The following FHOD1 variants were observed in gnomAD, a reference collection of about 807,000 sequenced individuals.
The protein encoded by FHOD1 is FH1/FH2 domain-containing protein 1.
A neutral mutation model predicts 111.6 loss-of-function variants in FHOD1; 89 were observed. That is an observed-to-expected ratio of 0.80 (90% CI 0.67 to 0.95). The LOEUF is 0.95. Among genes scored for constraint, FHOD1 ranks in the 40% least tolerant of loss-of-function variants. FHOD1 has a pLI of 0.00. For synonymous variants in FHOD1, 618 were observed against 639.0 expected (o/e 0.97, Z 0.50); for missense variants, 1,446 against 1,554.2 (o/e 0.93, Z 1.17).
Position 67,237,057 on chromosome 16 carries a change from G to T in FHOD1, c.1051C>A (p.Arg351=). The T allele has an allele frequency of 6.2e-7, 1 of 1,613,086 alleles. No individual in the cohort carries two copies. The highest frequency in any genetic ancestry group is 2.2e-5 in the East Asian group (1 of 44,884). Residue 351 remains arginine, a synonymous_variant, in exon 10 of 22, where the codon CGG becomes AGG. Transcript: ENST00000258201. The surrounding 1 kb of genome is among the most constrained non-coding windows in gnomAD (Gnocchi z 5.6). ...IEEAPGAGGR[R]ERRKPSSEEG... Reference sequence around the variant, plus strand: ...TCAGAAGAAGGCTTTCGTCGTTCCCGCCGCCCACCAGCGCCTGGGGCTTCT... The same window carrying T: ...TCAGAAGAAGGCTTTCGTCGTTCCCTCCGCCCACCAGCGCCTGGGGCTTCT...
chr16:67,237,698 G>T lies in FHOD1; in HGVS notation c.713C>A (p.Pro238Gln). 1 of 1,614,164 alleles carries T rather than the reference G, an allele frequency of 6.2e-7. No individual in the cohort carries two copies. Among genetic ancestry groups the T allele is most frequent in the South Asian group, 1.1e-5 (1 of 91,082 alleles). Residue 238 changes from proline to glutamine, a missense_variant, in exon 7 of 22, where the codon CCG (proline) becomes CAG (glutamine). Transcript: ENST00000258201. This position sits in a 1 kb window ranked among gnomAD's most constrained non-coding sequence, Gnocchi z 5.6. ...AGAGTTCACTGCACGGATGAACAGC[G>T]GTGCGTTGTTTTCGGAGTATTCTAC... is the stretch of plus-strand genomic sequence containing the variant. ...VFVEYSENNA[P>Q]LFIRAVNSVA...
At chr16:67,243,717 G>C (rs985236757) in intron 1 of FHOD1, among the ~76,000 whole-genome samples, 2 of 152,162 alleles carry the variant, frequency 1.3e-5, no homozygotes, top group Admixed American at 6.5e-5. Context: ...GGATTGCCAA[G>C]AGCTGAAGAC....
rs752072735 is a variant in FHOD1 at position 67,236,624 on chromosome 16, C to T, written c.1252G>A (p.Val418Met). 6 of 1,613,536 alleles carry T rather than the reference C, an allele frequency of 3.7e-6. No individual in the cohort carries two copies. Among genetic ancestry groups the T allele is most frequent in the Non-Finnish European group, 2.5e-6 (3 of 1,179,872 alleles). ...ACAGAGATGGTAGGAAAAAGGTTCA[C>T]TGAAGCTTGGAGACCGGAGGGAGGG... ...VGPPSGLQASVNLFPTISVAP... is the reference protein window; with the variant it reads ...VGPPSGLQASMNLFPTISVAP... Residue 418 changes from valine to methionine, a missense_variant, in exon 11 of 22, where the codon GTG becomes ATG. Around this residue, in one of 3 missense-constraint regions of FHOD1, gnomAD observed 1,085 missense variants for 1,108.8 expected, o/e 0.98. Transcript: ENST00000258201.
intron 11 of FHOD1, chr16:67,235,952 T>C: frequency 7.2e-5 from 57 of 795,616 alleles, no homozygotes; most frequent in Non-Finnish European, 8.7e-5. Flanking sequence ...AAACCCCTGC[T>C]GGGGGAAGCA....
intron 1 of FHOD1, among the ~76,000 whole-genome samples, chr16:67,246,170 G>A (rs1489919722): frequency 2.0e-5 from 3 of 152,224 alleles, no homozygotes; most frequent in African/African-American, 7.2e-5. Flanking sequence ...ATGCGGGCTG[G>A]GGGCCCGGGG....
intron 1 of FHOD1, among the ~76,000 whole-genome samples, chr16:67,241,469 A>G (rs2034665865): frequency 6.6e-6 from 1 of 152,160 alleles, no homozygotes; most frequent in Admixed American, 6.5e-5. Flanking sequence ...CTGGGACCCT[A>G]GAAGAACACA....
In FHOD1 at chr16:67,230,146, C is replaced by A. The variant is rs1374616921; in HGVS notation, c.3134G>T (p.Gly1045Val). ...PVAVSSGPGR[G>V]DADSHASMKS... ...CATACTAGCATGACTGTCAGCATCTCCCCGGCCTGGCCCGCTGCTCACTGC... is the reference window on the plus strand; with the variant it reads ...CATACTAGCATGACTGTCAGCATCTACCCGGCCTGGCCCGCTGCTCACTGC... The change falls in exon 20 of 22, where the codon GGA becomes GTA. Residue 1045 changes from glycine to valine, a missense_variant. By Grantham distance (109) the Gly-to-Val change is moderately radical. Around this residue, in one of 3 missense-constraint regions of FHOD1, gnomAD observed 1,085 missense variants for 1,108.8 expected, o/e 0.98. Coordinates refer to ENST00000258201, the MANE Select transcript of FHOD1 (RefSeq NM_013241.3). 1 of 1,614,106 alleles carries A rather than the reference C, an allele frequency of 6.2e-7. No homozygotes were observed. Among genetic ancestry groups the A allele is most frequent in the African/African-American group, 1.3e-5 (1 of 74,944 alleles).
Position 67,230,769 on chromosome 16 carries a change from T to C in FHOD1, c.2690A>G (p.Glu897Gly), listed in dbSNP as rs976040730. Residue 897 changes from glutamate to glycine, a missense_variant, in exon 18 of 22, where the codon GAG (glutamate) becomes GGG (glycine). This residue lies in a region of FHOD1 where 1,085 missense variants were observed against 1,108.8 expected (regional missense o/e 0.98). Coordinates refer to ENST00000258201, the MANE Select transcript of FHOD1 (RefSeq NM_013241.3). ...CCGGCGCTCCAGCTGCCCCAGGTTC[T>C]CAGTCAGCTGTTCAAAGTCCACCTG... ...CAKVDFEQLT[E>G]NLGQLERRSR... 16 of 1,602,690 alleles carry C rather than the reference T, an allele frequency of 1.0e-5. No individual in the cohort carries two copies. Among genetic ancestry groups the C allele is most frequent in the Non-Finnish European group, 1.4e-5 (16 of 1,174,216 alleles).
Position 67,239,431 on chromosome 16 carries a change from CACTT to C in FHOD1, c.221_224del (p.Gln74ArgfsTer36). On this transcript the variant is annotated frameshift_variant, in exon 2 of 22. Transcript: ENST00000258201. LOFTEE classifies it high-confidence loss of function. The stretch of plus-strand genomic sequence containing the variant: ...TGTCCAGGTAGTATCCGGAGGGAGA[CACTT>C]GCAGAGCACAATCCTCCAACTGGGG... 6.2e-7 allele frequency: 1 copy of C among 1,614,082 alleles called. No individual in the cohort carries two copies. Among genetic ancestry groups the C allele is most frequent in the East Asian group, 2.2e-5 (1 of 44,882 alleles).
At chr16:67,230,850 C>T in intron 17 of FHOD1, 59 bp from the exon 18 acceptor site, 1 of 1,511,056 alleles carries the variant, frequency 6.6e-7, no homozygotes, top group Admixed American at 2.1e-5. Context: ...AAGACATGGC[C>T]CGAGGCTGCT....
intron 1 of FHOD1, among the ~76,000 whole-genome samples, chr16:67,240,356 GTC>G (rs575617507): frequency 1.1e-4 from 17 of 152,144 alleles, no homozygotes; most frequent in Admixed American, 4.6e-4. Context: ...GTGAAACCCC[GTC>G]TCTACAAAAA....
Position 67,231,011 on chromosome 16 carries a change from G to A in FHOD1, c.2667+177C>T, listed in dbSNP as rs2034246286. 1.1e-6 allele frequency: 1 copy of A among 896,678 alleles called. No individual in the cohort carries two copies. Among genetic ancestry groups the A allele is most frequent in the African/African-American group, 1.7e-5 (1 of 59,240 alleles). 55.5% of individuals were successfully genotyped at this position (896,678 alleles called of 1,614,324 possible). A position where few individuals can be genotyped will look rare whatever the true frequency, so the allele number is the denominator to read the frequency against. ...TTAAACAGACCCAAAGACTGAGTAG[G>A]TGTGGCCAGGCCAATAGAGGAAAGA... On this transcript the variant is annotated intron_variant, in intron 17 of 21. Transcript: ENST00000258201. This position sits in a 1 kb window ranked among gnomAD's most constrained non-coding sequence, Gnocchi z 4.3.
At chr16:67,239,278 T>G in intron 2 of FHOD1, 70 bp downstream of exon 2, 1 of 1,194,918 alleles carries the variant, frequency 8.4e-7, no homozygotes, top group Non-Finnish European at 1.3e-6. Flanking sequence ...GTGTCTCAGC[T>G]GCTGACATTT....
intron 11 of FHOD1, among the ~76,000 whole-genome samples, chr16:67,235,654 C>T (rs1313310178): frequency 6.6e-6 from 1 of 152,150 alleles, no homozygotes; most frequent in Non-Finnish European, 1.5e-5. Flanking sequence ...CTCTCAGTCC[C>T]TGCCTTTCCC....
Position 67,238,894 on chromosome 16 carries a change from C to T in FHOD1, c.373+9G>A. 1.2e-6 allele frequency: 2 copies of T among 1,614,116 alleles called. No individual in the cohort carries two copies. Among genetic ancestry groups the T allele is most frequent in the Non-Finnish European group, 1.7e-6 (2 of 1,179,942 alleles). On this transcript the variant is annotated intron_variant, in intron 3 of 21. Transcript: ENST00000258201. The surrounding 1 kb of genome is among the most constrained non-coding windows in gnomAD (Gnocchi z 4.2). ...GTGCTGCTGGACATGGATGCTCTCA[C>T]ACACTCACCCAAGATAGCGTTGACC...
intron 11 of FHOD1, chr16:67,236,175 G>A (rs531409159): frequency 8.5e-6 from 4 of 468,164 alleles, no homozygotes; most frequent in Admixed American, 6.4e-5. Flanking sequence ...CTTCCCAGCC[G>A]CAGTGGGAAG....
Position 67,230,642 on chromosome 16 carries a change from A to G in FHOD1, c.2817T>C (p.Arg939=). ...GGTGCACTATCCTTAGCATGGCAAC[A>G]CGGCGGGCACACTGGTCCAGGAAGT... ...LTHFLDQCAR[R]VAMLRIVHRR... The change falls in exon 18 of 22, where the codon CGT becomes CGC. Residue 939 remains arginine, a synonymous_variant. Coordinates refer to ENST00000258201, the MANE Select transcript of FHOD1 (RefSeq NM_013241.3). 1 of 1,614,024 alleles carries G rather than the reference A, an allele frequency of 6.2e-7. No homozygotes were observed. Among genetic ancestry groups the G allele is most frequent in the East Asian group, 2.2e-5 (1 of 44,886 alleles).
chr16:67,231,671 C>T lies in FHOD1; in HGVS notation c.2351G>A (p.Trp784Ter). ...GCTGTCATAGTCCAGCTTGAAGGCC[C>T]AGAGTTGTAGACGAGCAGCGAGGCC... ...IGGLAARLQL[W>*]AFKLDYDSME... Residue 784 changes from tryptophan to a stop codon, truncating the protein, a stop_gained, in exon 15 of 22, where the codon TGG (tryptophan) becomes TAG (stop). Coordinates refer to ENST00000258201, the MANE Select transcript of FHOD1 (RefSeq NM_013241.3). LOFTEE classifies it high-confidence loss of function. This position sits in a 1 kb window ranked among gnomAD's most constrained non-coding sequence, Gnocchi z 4.3. 1 of 1,614,160 alleles carries T rather than the reference C, an allele frequency of 6.2e-7. No individual in the cohort carries two copies. Among genetic ancestry groups the T allele is most frequent in the Non-Finnish European group, 8.5e-7 (1 of 1,180,030 alleles).
intron 1 of FHOD1, 64 bp downstream of exon 1, chr16:67,247,146 A>G: frequency 6.9e-7 from 1 of 1,445,374 alleles, no homozygotes; most frequent in Non-Finnish European, 9.1e-7. Flanking sequence ...AGCACCTCCC[A>G]CCAGTTTTCA....
Sources: allele counts gnomAD v4.1 joint callset (sites outside exome capture counted in the v4.1 genomes callset), GRCh38; gene constraint gnomAD v4.1.1; regional missense constraint gnomAD v4.1.1; non-coding constraint Gnocchi (gnomAD v3.1); transcripts MANE v1.5; gene names NCBI Gene and HGNC (gene_info 2026-07-23, HGNC 2026-07-21).